RABGAP1L: variants seen among roughly 807,000 people sequenced by gnomAD.
The protein encoded by RABGAP1L is RAB GTPase activating protein 1 like, also known as rab GTPase-activating protein 1-like.
RABGAP1L carries 63 observed loss-of-function variants against 137.7 expected under a neutral mutation model. The ratio of observed to expected loss-of-function variants is 0.46; its 90% confidence interval spans 0.37 to 0.56. RABGAP1L has a LOEUF of 0.56. Ranked by LOEUF, RABGAP1L falls within the 20% of genes least tolerant of loss-of-function variation. RABGAP1L has a pLI of 0.00. For missense variants in RABGAP1L, 1,095 were observed against 1,244.0 expected, an observed-to-expected ratio of 0.88 and a Z score of 1.80; for synonymous variants, 431 against 433.7, an observed-to-expected ratio of 0.99 and a Z score of 0.08.
At chr1:174,962,204 C>A (rs182410115) in intron 20 of RABGAP1L, among the ~76,000 whole-genome samples, 2 of 125,536 alleles carry the variant, frequency 1.6e-5, no homozygotes, top group Non-Finnish European at 3.5e-5. Flanking sequence ...ACACCCCCCC[C>A]CCACACACAC....
intron 18 of RABGAP1L, among the ~76,000 whole-genome samples, chr1:174,753,327 A>G (rs1038965806): frequency 2.5e-4 from 38 of 152,204 alleles, no homozygotes; most frequent in African/African-American, 8.4e-4. Flanking sequence ...CTCTCAAAAG[A>G]TAATGATGTG....
intron 7 of RABGAP1L, among the ~76,000 whole-genome samples, chr1:174,255,456 C>G (rs1478469306): frequency 6.6e-6 from 1 of 152,158 alleles, no homozygotes; most frequent in African/African-American, 2.4e-5. Context: ...AAGATTGTTA[C>G]CAATATCTCA....
At chr1:174,976,349 CAT>C (rs1558299595) in intron 22 of RABGAP1L, among the ~76,000 whole-genome samples, 167 bp downstream of exon 22, 1 of 152,048 alleles carries the variant, frequency 6.6e-6, no homozygotes, top group Non-Finnish European at 1.5e-5. Context: ...ACATTTCTGA[CAT>C]TTTTTTTTTG....
intron 13 of RABGAP1L, among the ~76,000 whole-genome samples, chr1:174,587,299 G>C (rs982838384): frequency 9.2e-6 from 1 of 108,498 alleles, no homozygotes; most frequent in Non-Finnish European, 1.8e-5. Flanking sequence ...GTTGTGGGGT[G>C]GGGGGAGGGG....
intron 12 of RABGAP1L, among the ~76,000 whole-genome samples, chr1:174,385,713 A>G (rs1000309302): frequency 2.0e-5 from 3 of 152,206 alleles, no homozygotes; most frequent in Non-Finnish European, 4.4e-5. Flanking sequence ...CCAGTAAACT[A>G]AGTCTATCAA....
intron 18 of RABGAP1L, among the ~76,000 whole-genome samples, chr1:174,767,879 CA>C (rs1558059120): frequency 6.6e-6 from 1 of 152,134 alleles, no homozygotes; most frequent in Non-Finnish European, 1.5e-5. Flanking sequence ...GTGAAAGGCA[CA>C]TCTCACGCGG....
chr1:174,770,390 C>G (rs1470385484), intron 18 of RABGAP1L, among the ~76,000 whole-genome samples: 2 of 152,170 alleles, frequency 1.3e-5, no homozygotes, highest in South Asian at 4.1e-4. Context: ...GGATCTGTAT[C>G]AGGAAAAAAT....
At chr1:174,957,995 A>C in intron 20 of RABGAP1L, 1 of 1,557,904 alleles carries the variant, frequency 6.4e-7, no homozygotes. Context: ...CTACTTTCAA[A>C]AATGAAACAA....
intron 4 of RABGAP1L, among the ~76,000 whole-genome samples, chr1:174,239,223 G>T (rs1269684246): frequency 1.3e-5 from 2 of 152,184 alleles, no homozygotes; most frequent in Non-Finnish European, 2.9e-5. Context: ...GAAATCACCC[G>T]TCTTCTGCGT....
chr1:174,323,747 C>T (rs1031281995), intron 11 of RABGAP1L, among the ~76,000 whole-genome samples: 1 of 152,092 alleles, frequency 6.6e-6, no homozygotes, highest in African/African-American at 2.4e-5. Flanking sequence ...TTTAAAGGAT[C>T]AGTTGTAGAA....
At chr1:174,812,064 T>G in intron 19 of RABGAP1L, 104 bp downstream of exon 19, 1 of 1,085,480 alleles carries the variant, frequency 9.2e-7, no homozygotes, top group East Asian at 2.9e-5. Flanking sequence ...TGATTATGTT[T>G]AAGATTAGAT....
rs193284963 is a variant in RABGAP1L, at chr1:174,958,247, T to C, written c.2433+698T>C. 174 of 1,216,880 alleles carry C rather than the reference T, an allele frequency of 1.4e-4. 1 individual carries two copies. The African/African-American group carries it at 2.4e-3, about 17-fold the overall frequency. 75.4% of individuals were successfully genotyped at this position (1,216,880 alleles called of 1,614,324 possible). A position where few individuals can be genotyped will look rare whatever the true frequency, so the allele number is the denominator to read the frequency against. ...ATGAATTTATGAACAACAGTGATATTTGAGTTAAAGTATGAAGTTTCAGAA... is the reference window on the plus strand; with the variant it reads ...ATGAATTTATGAACAACAGTGATATCTGAGTTAAAGTATGAAGTTTCAGAA... On this transcript the variant is annotated intron_variant, in intron 20 of 25. Transcript: ENST00000681986.
At chr1:174,756,663 G>A (rs912005653) in intron 18 of RABGAP1L, among the ~76,000 whole-genome samples, 1 of 152,034 alleles carries the variant, frequency 6.6e-6, no homozygotes, top group Non-Finnish European at 1.5e-5. Context: ...GGAAGGCGGA[G>A]GCATGCAAGA....
chr1:174,740,381 A>T (rs1683290412), intron 17 of RABGAP1L, among the ~76,000 whole-genome samples: 1 of 152,174 alleles, frequency 6.6e-6, no homozygotes, highest in South Asian at 2.1e-4. Context: ...TGGTTTCCCA[A>T]CATGATATAA....
chr1:174,619,119 T>G (rs1672195262), intron 13 of RABGAP1L, among the ~76,000 whole-genome samples: 1 of 152,124 alleles, frequency 6.6e-6, no homozygotes, highest in Admixed American at 6.5e-5. Flanking sequence ...GAACAAAGCC[T>G]CCAAGAAATA....
intron 5 of RABGAP1L, chr1:174,245,302 C>G (rs1019729701): frequency 6.6e-6 from 1 of 152,266 alleles, no homozygotes; most frequent in African/African-American, 2.4e-5. Context: ...AAACTCCTGA[C>G]CTCAGGTGAT....
At chr1:174,451,515 T>C (rs1655444405) in intron 13 of RABGAP1L, among the ~76,000 whole-genome samples, 1 of 152,174 alleles carries the variant, frequency 6.6e-6, no homozygotes, top group South Asian at 2.1e-4. Flanking sequence ...ACTCCAGAGA[T>C]AAGGAAACGA....
At chr1:174,648,653 G>A (rs1030993293) in intron 14 of RABGAP1L, among the ~76,000 whole-genome samples, 2 of 152,090 alleles carry the variant, frequency 1.3e-5, no homozygotes, top group Non-Finnish European at 2.9e-5. Flanking sequence ...GTGCGATGTG[G>A]TGCTCAGAAA....
intron 18 of RABGAP1L, among the ~76,000 whole-genome samples, chr1:174,788,603 A>G (rs986475647): frequency 6.6e-6 from 1 of 152,162 alleles, no homozygotes; most frequent in African/African-American, 2.4e-5. Context: ...TAATCTTTCT[A>G]AAAGGTAATC....
Sources: allele counts gnomAD v4.1 joint callset (sites outside exome capture counted in the v4.1 genomes callset), GRCh38; gene constraint gnomAD v4.1.1; transcripts MANE v1.5; gene names NCBI Gene and HGNC (gene_info 2026-07-23, HGNC 2026-07-21).